Variants in ZHX3 observed in about 807,000 individuals in gnomAD.
The protein encoded by ZHX3 is zinc fingers and homeoboxes 3, also known as zinc fingers and homeoboxes protein 3.
In ZHX3, 20 loss-of-function variants were observed where a neutral mutation model predicts 64.5. The ratio of observed to expected loss-of-function variants is 0.31; its 90% confidence interval spans 0.22 to 0.45. ZHX3 has a LOEUF of 0.45. ZHX3 is among the 20% of genes least tolerant of loss of function. ZHX3 has a pLI of 1.00. For missense variants in ZHX3, 1,041 were observed against 1,195.8 expected (o/e 0.87, Z 1.91); for synonymous variants, 423 against 461.6 (o/e 0.92, Z 1.07).
chr20:41,273,461 C>T (rs1367307573), intron 1 of ZHX3, among the ~76,000 whole-genome samples: 3 of 152,044 alleles, frequency 2.0e-5, no homozygotes, highest in Non-Finnish European at 2.9e-5. Flanking sequence ...TGAAGATTTA[C>T]CCTTATGTTT....
chr20:41,305,566 C>T (rs1029994843), intron 1 of ZHX3, among the ~76,000 whole-genome samples: 9 of 152,090 alleles, frequency 5.9e-5, no homozygotes, highest in East Asian at 1.9e-4. Flanking sequence ...GGGCGGATCA[C>T]GAGGCCAGGA....
At chr20:41,276,791 G>C (rs912735254) in intron 1 of ZHX3, among the ~76,000 whole-genome samples, 1 of 152,202 alleles carries the variant, frequency 6.6e-6, no homozygotes, top group Non-Finnish European at 1.5e-5. Flanking sequence ...AAAGCACACT[G>C]GGGTTTATGA....
intron 1 of ZHX3, among the ~76,000 whole-genome samples, chr20:41,292,516 T>C (rs2044300257): frequency 1.3e-5 from 2 of 152,170 alleles, no homozygotes; most frequent in African/African-American, 4.8e-5. Flanking sequence ...GCTAAAAGAT[T>C]AAAAACTTGG....
In ZHX3 at chr20:41,185,502, C is replaced by G; in HGVS notation, c.2861-301G>C. On this transcript the variant is annotated intron_variant, in intron 3 of 3. Transcript: ENST00000683867. This position sits in a 1 kb window ranked among gnomAD's most constrained non-coding sequence, Gnocchi z 5.0. ...CTCCAGGCCCACTAAATCCCCCTAG[C>G]TCCCCAGGCTTCCGCCACCACCGTC... The G allele has an allele frequency of 1.9e-6, 1 of 523,722 alleles. No individual in the cohort carries two copies. Among genetic ancestry groups the G allele is most frequent in the Admixed American group, 3.6e-5 (1 of 27,754 alleles). 32.4% of individuals were successfully genotyped at this position (523,722 alleles called of 1,614,324 possible). A position where few individuals can be genotyped will look rare whatever the true frequency, so the allele number is the denominator to read the frequency against.
At chr20:41,186,180 G>A (rs1383153687) in intron 3 of ZHX3, among the ~76,000 whole-genome samples, 1 of 152,044 alleles carries the variant, frequency 6.6e-6, no homozygotes, top group East Asian at 1.9e-4. Context: ...CTTAGGCCCT[G>A]GTAACCTCTA....
chr20:41,310,113 T>A (rs940167638), intron 1 of ZHX3, among the ~76,000 whole-genome samples: 1 of 152,118 alleles, frequency 6.6e-6, no homozygotes, highest in Non-Finnish European at 1.5e-5. Context: ...AATATCCCAG[T>A]TCCTCTGCTC....
intron 2 of ZHX3, among the ~76,000 whole-genome samples, chr20:41,222,352 G>A (rs2039999021): frequency 6.6e-6 from 1 of 152,208 alleles, no homozygotes; most frequent in African/African-American, 2.4e-5. Context: ...GTTTAAACCT[G>A]GGAAGCTTTG....
chr20:41,262,656 A>G (rs2042621175), intron 2 of ZHX3, among the ~76,000 whole-genome samples: 1 of 152,200 alleles, frequency 6.6e-6, no homozygotes, highest in Admixed American at 6.5e-5. Context: ...CAGGGACAGA[A>G]TTGCCTTTAC....
At position 41,305,991 on chromosome 20, in the gene ZHX3, G is replaced by A. The variant is rs187041852; in HGVS notation, c.-245+11518C>T. Among the ~76,000 whole-genome samples the A allele has an allele frequency of 2.5e-4, 38 of 151,866 alleles. 1 individual carries two copies. Among genetic ancestry groups the A allele is most frequent in the African/African-American group, 8.7e-4 (36 of 41,326 alleles). On this transcript the variant is annotated intron_variant, in intron 1 of 3. Coordinates refer to ENST00000683867, the MANE Select transcript of ZHX3 (RefSeq NM_001384317.1). Reference sequence around the variant, plus strand: ...TTATTAGAATTATATATCCATTGTTGTAATAAAAAATTTCTGGTTATATAG... The same window carrying A: ...TTATTAGAATTATATATCCATTGTTATAATAAAAAATTTCTGGTTATATAG...
intron 3 of ZHX3, among the ~76,000 whole-genome samples, chr20:41,190,612 T>C (rs2036935310): frequency 6.6e-6 from 1 of 152,240 alleles, no homozygotes; most frequent in South Asian, 2.1e-4. Context: ...TTTCCTCATC[T>C]GTGTGTTTGC....
intron 1 of ZHX3, among the ~76,000 whole-genome samples, chr20:41,281,062 A>G (rs573814409): frequency 3.3e-5 from 5 of 152,360 alleles, no homozygotes; most frequent in South Asian, 2.1e-4. Flanking sequence ...ATTACAAAAT[A>G]AAGTTGAAAT....
chr20:41,203,001 T>G lies in ZHX3; in HGVS notation c.1916A>C (p.Asp639Ala). 5 of 1,614,144 alleles carry G rather than the reference T, an allele frequency of 3.1e-6. No individual in the cohort carries two copies. Among genetic ancestry groups the G allele is most frequent in the Non-Finnish European group, 4.2e-6 (5 of 1,180,026 alleles). The change falls in exon 3 of 4, where the codon GAT becomes GCT. Residue 639 changes from aspartate (D) to alanine (A), a missense_variant. Asp to Ala is a moderately radical substitution (Grantham distance 126). This residue lies in a region of ZHX3 where 649 missense variants were observed against 739.8 expected (regional missense o/e 0.88). Transcript: ENST00000683867. This position sits in a 1 kb window ranked among gnomAD's most constrained non-coding sequence, Gnocchi z 7.1. ...ACTTCTCAGGCGGTCCAGTTCCTCA[T>G]CAAGAGGAAGAGGGTTTTGTGCAAA... ...SSFAQNPLPL[D>A]EELDRLRSET...
At chr20:41,311,720 T>C (rs1401719329) in intron 1 of ZHX3, among the ~76,000 whole-genome samples, 1 of 152,204 alleles carries the variant, frequency 6.6e-6, no homozygotes, top group East Asian at 1.9e-4. Context: ...TTACTTAAAT[T>C]CTCTAAGTTC....
chr20:41,256,720 C>G (rs563901192), intron 2 of ZHX3, among the ~76,000 whole-genome samples: 7 of 151,308 alleles, frequency 4.6e-5, no homozygotes, highest in African/African-American at 1.7e-4. Flanking sequence ...GCCAGGTGTA[C>G]TCAGAGTCCC....
rs773251372 is a variant in ZHX3, at chr20:41,204,468, A to G, written c.449T>C (p.Val150Ala). ...GCTCTCAGGGATGCTCTGCTCCACAACCACATGATTGTCTGGCTTGGCCAC... is the reference window on the plus strand; with the variant it reads ...GCTCTCAGGGATGCTCTGCTCCACAGCCACATGATTGTCTGGCTTGGCCAC... ...WNVAKPDNHV[V>A]VEQSIPESTS... The change falls in exon 3 of 4, where the codon GTT (valine) becomes GCT (alanine). Residue 150 changes from valine (V) to alanine (A), a missense_variant. Val to Ala is a moderately conservative substitution (Grantham distance 64). This residue lies in a region of ZHX3 where 358 missense variants were observed against 369.1 expected (regional missense o/e 0.97). Transcript: ENST00000683867. This position sits in a 1 kb window ranked among gnomAD's most constrained non-coding sequence, Gnocchi z 6.6. 6 of 1,614,016 alleles carry G rather than the reference A, an allele frequency of 3.7e-6. No homozygotes were observed. In the Admixed American group the frequency reaches 8.3e-5, roughly 22 times the overall value.
chr20:41,260,649 G>A (rs918525219), intron 2 of ZHX3, among the ~76,000 whole-genome samples: 14 of 152,158 alleles, frequency 9.2e-5, no homozygotes, highest in African/African-American at 2.4e-4. Context: ...GTTATCTCTC[G>A]CACCATTTTT....
chr20:41,223,596 C>G (rs892862683), intron 2 of ZHX3, among the ~76,000 whole-genome samples: 1 of 152,110 alleles, frequency 6.6e-6, no homozygotes, highest in African/African-American at 2.4e-5. Flanking sequence ...AGAAATACCT[C>G]GAGAAAAATA....
At chr20:41,274,491 A>G (rs1338369761) in intron 1 of ZHX3, among the ~76,000 whole-genome samples, 1 of 152,218 alleles carries the variant, frequency 6.6e-6, no homozygotes, top group Non-Finnish European at 1.5e-5. Context: ...GGGTTTTACA[A>G]GTCTTTAAAA....
intron 1 of ZHX3, among the ~76,000 whole-genome samples, chr20:41,278,959 G>A (rs977665875): frequency 1.3e-5 from 2 of 152,050 alleles, no homozygotes; most frequent in Admixed American, 6.6e-5. Context: ...ATTTCTAGTA[G>A]AGACAGACAG....
Sources: gnomAD v4.1 joint callset for allele counts (sites outside exome capture counted in the v4.1 genomes callset) on GRCh38, gnomAD v4.1.1 for gene constraint, gnomAD v4.1.1 regional missense constraint, Gnocchi (gnomAD v3.1) non-coding constraint, MANE v1.5 for transcripts, NCBI Gene and HGNC (gene_info 2026-07-23, HGNC 2026-07-21) for gene names.